The following MYO18B variants were observed in gnomAD, a reference collection of about 807,000 sequenced individuals.
MYO18B encodes myosin XVIIIB.
Under a neutral mutation model 273.0 loss-of-function variants are expected in MYO18B, and 204 were observed. The ratio of observed to expected loss-of-function variants is 0.75; its 90% CI spans 0.67 to 0.84. MYO18B has a LOEUF of 0.84. MYO18B is among the 40% of genes least tolerant of loss of function. The probability of loss-of-function intolerance (pLI) is 0.00; values close to 1 mark genes in which losing one functional copy is unlikely to be tolerated. For synonymous variants in MYO18B, 1,330 were observed against 1,305.7 expected (o/e 1.02, Z -0.40); for missense variants, 3,212 against 3,287.6 (o/e 0.98, Z 0.56).
At chr22:25,957,912 CTTTTTTTTT>C (rs1330432024) in intron 39 of MYO18B, among the ~76,000 whole-genome samples, 1 of 128,906 alleles carries the variant, frequency 7.8e-6, no homozygotes, top group Admixed American at 8.3e-5. Flanking sequence ...AACGCTTTTG[CTTTTTTTTT>C]TTTTTTTTTT....
intron 34 of MYO18B, among the ~76,000 whole-genome samples, chr22:25,930,254 T>C (rs1488448666): frequency 1.3e-5 from 2 of 152,200 alleles, no homozygotes; most frequent in African/African-American, 4.8e-5. Flanking sequence ...GGCCTGCCCC[T>C]GAGTTAGTAC....
At chr22:25,858,222 ATCTC>A (rs1241580883) in intron 21 of MYO18B, among the ~76,000 whole-genome samples, 2 of 152,186 alleles carry the variant, frequency 1.3e-5, no homozygotes, top group African/African-American at 2.4e-5. Flanking sequence ...CTTCTTCCAT[ATCTC>A]TCTCTATGAA....
At chr22:25,998,031 G>A (rs1933526771) in intron 40 of MYO18B, among the ~76,000 whole-genome samples, 1 of 151,966 alleles carries the variant, frequency 6.6e-6, no homozygotes, top group Non-Finnish European at 1.5e-5. Context: ...GGTTCTTTGA[G>A]AGACTTGTTC....
the MYO18B span, among the ~76,000 whole-genome samples, chr22:26,049,188 G>A: frequency 1.3e-5 from 2 of 152,190 alleles, no homozygotes; most frequent in East Asian, 1.9e-4. Context: ...AAAGATCTCC[G>A]AAGTGGCAAC....
intron 34 of MYO18B, among the ~76,000 whole-genome samples, chr22:25,937,827 T>G (rs2092598970): frequency 6.6e-6 from 1 of 152,152 alleles, no homozygotes; most frequent in Admixed American, 6.5e-5. Flanking sequence ...TCAGGTGATC[T>G]GCATGCCTCG....
chr22:25,841,267 T>C (rs1856563795), intron 17 of MYO18B, among the ~76,000 whole-genome samples: 1 of 152,176 alleles, frequency 6.6e-6, no homozygotes, highest in Non-Finnish European at 1.5e-5. Context: ...AGTCTGAAGC[T>C]GTGAGAGAGA....
At chr22:25,981,129 G>A (rs904280904) in intron 39 of MYO18B, among the ~76,000 whole-genome samples, 2 of 152,292 alleles carry the variant, frequency 1.3e-5, no homozygotes, top group African/African-American at 4.8e-5. Context: ...GACCCATCCT[G>A]CTGACTTCAT....
At chr22:26,057,092 C>A in the MYO18B span, among the ~76,000 whole-genome samples, 2 of 152,128 alleles carry the variant, frequency 1.3e-5, no homozygotes, top group Non-Finnish European at 1.5e-5. Context: ...CTTCAGAGGA[C>A]AACCGTCCCC....
chr22:25,993,895 C>T (rs1259570818), intron 40 of MYO18B, among the ~76,000 whole-genome samples: 2 of 131,156 alleles, frequency 1.5e-5, no homozygotes, highest in Admixed American at 7.4e-5. Flanking sequence ...AAAGGCGTTA[C>T]GGGTGACAAT....
chr22:26,029,784 C>T (rs190382413), intron 43 of MYO18B, among the ~76,000 whole-genome samples: 133 of 152,316 alleles, frequency 8.7e-4, no homozygotes, highest in African/African-American at 3.2e-3. Context: ...ACAGTCTCAC[C>T]AAGCCCCTGT....
chr22:25,908,192 A>G (rs2092085450), intron 31 of MYO18B, 130 bp from the exon 32 acceptor site: 1 of 689,860 alleles, frequency 1.4e-6, no homozygotes, highest in African/African-American at 1.8e-5. Flanking sequence ...CAGGATGCCT[A>G]GGGCAATAAC....
Position 25,768,312 on chromosome 22 carries a change from C to G in MYO18B, c.396C>G (p.Gly132=). ...SINGEKAQEL[G]SSATPTKKTV... is the part of the protein sequence containing the mutation. ...ATGGTGAGAAGGCCCAGGAGCTGGG[C>G]TCCAGTGCGACACCAACCAAAAAGA... Residue 132 remains glycine, a synonymous_variant, in exon 4 of 44, where the codon GGC becomes GGG. Coordinates refer to ENST00000335473, the MANE Select transcript of MYO18B (RefSeq NM_032608.7). 3 of 1,613,796 alleles carry G rather than the reference C, an allele frequency of 1.9e-6. No individual in the cohort carries two copies. Among genetic ancestry groups the G allele is most frequent in the Non-Finnish European group, 2.5e-6 (3 of 1,179,782 alleles).
At chr22:25,835,135 G>A (rs775395743) in intron 16 of MYO18B, among the ~76,000 whole-genome samples, 161 bp from the exon 17 acceptor site, 3 of 152,214 alleles carry the variant, frequency 2.0e-5, no homozygotes, top group Non-Finnish European at 2.9e-5. Context: ...CTTCAACACT[G>A]AGAGTCTGGG....
chr22:26,048,275 C>T, the MYO18B span, among the ~76,000 whole-genome samples: 1 of 152,332 alleles, frequency 6.6e-6, no homozygotes, highest in Non-Finnish European at 1.5e-5. Context: ...TTTTAAAAGA[C>T]TGCCCTGAAA....
chr22:25,775,441 C>G, intron 7 of MYO18B, among the ~76,000 whole-genome samples: 1 of 152,296 alleles, frequency 6.6e-6, no homozygotes, highest in African/African-American at 2.4e-5. Flanking sequence ...GGGGCCTTGC[C>G]GGACCCAGTG....
intron 10 of MYO18B, among the ~76,000 whole-genome samples, chr22:25,783,993 C>G (rs1311124983): frequency 6.6e-6 from 1 of 152,242 alleles, no homozygotes; most frequent in African/African-American, 2.4e-5. Flanking sequence ...CTCACTTGCA[C>G]AAATGTCCTT....
At chr22:25,774,335 G>T (rs2086834928) in intron 7 of MYO18B, among the ~76,000 whole-genome samples, 1 of 152,192 alleles carries the variant, frequency 6.6e-6, no homozygotes. Flanking sequence ...CGTCCTTGTG[G>T]TGAGTGCTTA....
chr22:25,940,203 A>G (rs1487774877), intron 34 of MYO18B, among the ~76,000 whole-genome samples: 1 of 152,182 alleles, frequency 6.6e-6, no homozygotes, highest in Admixed American at 6.5e-5. Context: ...CCCACGTGTC[A>G]TGAGAGGGAA....
chr22:26,036,931 C>T, the MYO18B span, among the ~76,000 whole-genome samples: 3 of 152,178 alleles, frequency 2.0e-5, no homozygotes, highest in South Asian at 2.1e-4. Context: ...TGACTTTTCC[C>T]CATACCAGCC....
Sources: gnomAD v4.1 joint callset for allele counts (sites outside exome capture counted in the v4.1 genomes callset) on GRCh38, gnomAD v4.1.1 for gene constraint, MANE v1.5 for transcripts, NCBI Gene and HGNC (gene_info 2026-07-23, HGNC 2026-07-21) for gene names.